The following CORO2A variants were observed in gnomAD, a reference collection of about 807,000 sequenced individuals.
The protein encoded by CORO2A is coronin-2A.
In CORO2A, 47 loss-of-function variants were observed where a neutral mutation model predicts 62.4. That is an observed-to-expected ratio of 0.75 (90% CI 0.60 to 0.96). CORO2A has a LOEUF of 0.96. Ranked by LOEUF, CORO2A falls within the 40% of genes least tolerant of loss-of-function variation. The pLI is 0.00. For missense variants in CORO2A, 610 were observed against 684.1 expected (o/e 0.89, Z 1.21); for synonymous variants, 273 against 268.9 (o/e 1.02, Z -0.15).
chr9:98,181,349 T>TA (rs1483652348), intron 1 of CORO2A, among the ~76,000 whole-genome samples: 1 of 150,378 alleles, frequency 6.6e-6, no homozygotes, highest in Non-Finnish European at 1.5e-5. Context: ...TTTTTTTTTT[T>TA]TTTTTTTTAA....
chr9:98,188,663 C>T (rs1828267727), intron 1 of CORO2A, among the ~76,000 whole-genome samples: 1 of 152,142 alleles, frequency 6.6e-6, no homozygotes, highest in South Asian at 2.1e-4. Flanking sequence ...ACTCAGGAGG[C>T]TGAGGCATGA....
chr9:98,176,875 C>T (rs1350217292), intron 1 of CORO2A, among the ~76,000 whole-genome samples: 1 of 152,184 alleles, frequency 6.6e-6, no homozygotes, highest in Non-Finnish European at 1.5e-5. Flanking sequence ...GAACAAGATC[C>T]AGGTCTCCAG....
At position 98,157,472 on chromosome 9, in the gene CORO2A, G is replaced by T. The variant is rs74943592; in HGVS notation, c.189C>A (p.Ile63=). Residue 63 remains isoleucine (I), a synonymous_variant, in exon 2 of 12, where the codon ATC becomes ATA. Coordinates refer to ENST00000375077, the MANE Select transcript of CORO2A (RefSeq NM_052820.4). ...GGGGTGTCCTTACCTGGTGCAGGGG[G>T]ATGACGAGGAAGGCCCCTCCACCAG... ...ECAGGGAFLV[I]PLHQTGKLDP... is the part of the protein sequence containing the mutation. The T allele has an allele frequency of 1.6e-3, 2,586 of 1,614,174 alleles. 50 individuals are homozygous for T. The East Asian group carries it at 0.035, about 22-fold the overall frequency.
intron 1 of CORO2A, among the ~76,000 whole-genome samples, chr9:98,189,390 G>T (rs1351974501): frequency 6.6e-6 from 1 of 152,176 alleles, no homozygotes; most frequent in African/African-American, 2.4e-5. Flanking sequence ...CTGAGATTTG[G>T]CAGAGAAGAT....
intron 1 of CORO2A, among the ~76,000 whole-genome samples, chr9:98,167,938 TC>T (rs1459525195): frequency 6.6e-6 from 1 of 152,226 alleles, no homozygotes; most frequent in African/African-American, 2.4e-5. Flanking sequence ...TTTGAATCTT[TC>T]CTTTAATTTT....
At chr9:98,130,824 T>C in intron 7 of CORO2A, 131 bp downstream of exon 7, 1 of 693,604 alleles carries the variant, frequency 1.4e-6, no homozygotes, top group South Asian at 1.9e-5. Context: ...GTGGGAGGGG[T>C]TCCTTCTCAC....
intron 11 of CORO2A, 24 bp downstream of exon 11, chr9:98,126,525 G>C (rs1827320978): frequency 6.2e-7 from 1 of 1,602,408 alleles, no homozygotes. Flanking sequence ...CCATGTGAAA[G>C]GCCCACCCCG....
At chr9:98,146,066 C>G (rs914540732) in intron 2 of CORO2A, among the ~76,000 whole-genome samples, 2 of 152,200 alleles carry the variant, frequency 1.3e-5, no homozygotes, top group South Asian at 4.1e-4. Flanking sequence ...TCCCAGGCAC[C>G]TGAAAGCCAC....
chr9:98,179,255 G>A (rs2118927962), intron 1 of CORO2A, among the ~76,000 whole-genome samples: 1 of 152,332 alleles, frequency 6.6e-6, no homozygotes, highest in Middle Eastern at 3.4e-3. Flanking sequence ...GACCGCTAGA[G>A]CATGAGGATT....
chr9:98,127,296 C>T (rs1303499972), intron 10 of CORO2A, among the ~76,000 whole-genome samples: 1 of 152,214 alleles, frequency 6.6e-6, no homozygotes, highest in Non-Finnish European at 1.5e-5. Flanking sequence ...TCCGCTGCCC[C>T]CCAAGGCAGA....
intron 1 of CORO2A, among the ~76,000 whole-genome samples, chr9:98,164,713 T>C (rs1031876139): frequency 2.0e-5 from 3 of 152,182 alleles, no homozygotes; most frequent in Admixed American, 2.0e-4. Flanking sequence ...TCTGAAGTGA[T>C]ACAGTGGGAT....
chr9:98,165,778 T>C (rs1220640909), intron 1 of CORO2A, among the ~76,000 whole-genome samples: 1 of 152,228 alleles, frequency 6.6e-6, no homozygotes, highest in Non-Finnish European at 1.5e-5. Flanking sequence ...TGTGATGCAG[T>C]AGTTCTCAAA....
intron 2 of CORO2A, among the ~76,000 whole-genome samples, chr9:98,146,870 C>G (rs1470143289): frequency 6.6e-6 from 1 of 152,180 alleles, no homozygotes; most frequent in Non-Finnish European, 1.5e-5. Context: ...CATAATCACT[C>G]CAACCCTGGT....
At chr9:98,166,545 T>C (rs930139881) in intron 1 of CORO2A, among the ~76,000 whole-genome samples, 1 of 152,162 alleles carries the variant, frequency 6.6e-6, no homozygotes, top group Non-Finnish European at 1.5e-5. Flanking sequence ...TTTGAAACAA[T>C]CTGATTTAGT....
In CORO2A at chr9:98,181,039, T is replaced by TC. The variant is rs574190208; in HGVS notation, c.-1+11519dup. Among the ~76,000 whole-genome samples the TC allele has an allele frequency of 1.7e-4, 26 of 152,338 alleles. No homozygotes were observed. In the East Asian group the frequency reaches 4.8e-3, roughly 28 times the overall value. ...ATCCCTCACGCCACTGACTTTTTTT[T>TC]CACATCATCTGGCAAACCCCAGCAC... On this transcript the variant is annotated intron_variant, in intron 1 of 11. Coordinates refer to ENST00000375077, the MANE Select transcript of CORO2A (RefSeq NM_052820.4).
Position 98,129,769 on chromosome 9 carries a change from A to T in CORO2A, c.967+25T>A, listed in dbSNP as rs367902835. Reference sequence around the variant, plus strand: ...CTCCCGAAGTGCTGGGATTACAGGCATGAACTTCAGTGTCCCTCACTTACC... The same window carrying T: ...CTCCCGAAGTGCTGGGATTACAGGCTTGAACTTCAGTGTCCCTCACTTACC... On this transcript the variant is annotated intron_variant, in intron 8 of 11. Transcript: ENST00000375077. 32 of 1,568,414 alleles carry T rather than the reference A, an allele frequency of 2.0e-5. No homozygotes were observed. In the African/African-American group the frequency reaches 4.3e-4, roughly 21 times the overall value.
Position 98,129,857 on chromosome 9 carries a change from C to A in CORO2A, c.904G>T (p.Ala302Ser), listed in dbSNP as rs527744315. 5.0e-6 allele frequency: 8 copies of A among 1,613,878 alleles called. No homozygotes were observed. The highest frequency in any genetic ancestry group is 4.0e-5 in the African/African-American group (3 of 74,924). The change falls in exon 8 of 12, where the codon GCC (alanine) becomes TCC (serine). Residue 302 changes from alanine (A) to serine (S), a missense_variant. By Grantham distance (99) the Ala-to-Ser change is moderately conservative. Transcript: ENST00000375077. Reference sequence around the variant, plus strand: ...AGGTAGCTCAGGTGAGGCTTGTCGGCGCTCACCTCGTAGTAGCGGATGTTG... The same window carrying A: ...AGGTAGCTCAGGTGAGGCTTGTCGGAGCTCACCTCGTAGTAGCGGATGTTG... ...DGNIRYYEVS[A>S]DKPHLSYLTE... is the part of the protein sequence containing the mutation.
intron 2 of CORO2A, among the ~76,000 whole-genome samples, chr9:98,141,344 T>G (rs1240508203): frequency 2.7e-5 from 3 of 109,690 alleles, no homozygotes; most frequent in Non-Finnish European, 6.0e-5. Context: ...ATGGGACCAC[T>G]GACCCTTTTT....
At chr9:98,164,033 T>C (rs1287766227) in intron 1 of CORO2A, among the ~76,000 whole-genome samples, 1 of 152,216 alleles carries the variant, frequency 6.6e-6, no homozygotes, top group Non-Finnish European at 1.5e-5. Context: ...ATTTGTGGTT[T>C]CACATATAAT....
Sources: allele counts gnomAD v4.1 joint callset (sites outside exome capture counted in the v4.1 genomes callset), GRCh38; gene constraint gnomAD v4.1.1; transcripts MANE v1.5; gene names NCBI Gene and HGNC (gene_info 2026-07-23, HGNC 2026-07-21).